DDX10: variants seen among roughly 807,000 people sequenced by gnomAD.
DDX10 encodes DEAD-box helicase 10, also known as probable ATP-dependent RNA helicase DDX10.
In DDX10, 74 loss-of-function variants were observed where a neutral mutation model predicts 104.3. That is an observed-to-expected ratio of 0.71 (90% CI 0.59 to 0.86). The LOEUF (loss-of-function observed/expected upper bound fraction) is 0.86, where lower values mean the gene tolerates loss of function less well. Among genes scored for constraint, DDX10 ranks in the 40% least tolerant of loss-of-function variants. The probability of loss-of-function intolerance (pLI) is 0.00; values close to 1 mark genes in which losing one functional copy is unlikely to be tolerated. For synonymous variants in DDX10, 351 were observed against 353.4 expected, an observed-to-expected ratio of 0.99 and a Z score of 0.08; for missense variants, 952 against 1,040.0, an observed-to-expected ratio of 0.92 and a Z score of 1.16.
At chr11:108,853,869 G>A (rs1019412808) in intron 16 of DDX10, among the ~76,000 whole-genome samples, 2 of 152,174 alleles carry the variant, frequency 1.3e-5, no homozygotes, top group African/African-American at 4.8e-5. Flanking sequence ...TAACCACTAA[G>A]CATCGGACTA....
At chr11:108,834,122 A>AT (rs544463476) in intron 13 of DDX10, among the ~76,000 whole-genome samples, 1,490 of 139,384 alleles carry the variant, frequency 0.011, 15 homozygotes, top group Non-Finnish European at 0.013. Flanking sequence ...AGCCTGGCTA[A>AT]TTTTTTTTTT....
At chr11:108,784,063 C>T (rs1252722455) in intron 13 of DDX10, among the ~76,000 whole-genome samples, 2 of 152,082 alleles carry the variant, frequency 1.3e-5, no homozygotes, top group African/African-American at 2.4e-5. Flanking sequence ...TTGAAGGGCA[C>T]CTAGGTTGAC....
intron 13 of DDX10, among the ~76,000 whole-genome samples, chr11:108,766,700 G>A (rs918662352): frequency 2.6e-5 from 4 of 152,090 alleles, no homozygotes; most frequent in East Asian, 3.8e-4. Flanking sequence ...TTAATAAGCC[G>A]GGGAAGTGCT....
chr11:108,770,318 AT>A (rs1367920443), intron 13 of DDX10, among the ~76,000 whole-genome samples: 2 of 152,202 alleles, frequency 1.3e-5, no homozygotes, highest in African/African-American at 4.8e-5. Flanking sequence ...TCTTTAAGTT[AT>A]CTAAAAATAA....
At chr11:108,697,854 C>T (rs1565250620) in intron 9 of DDX10, among the ~76,000 whole-genome samples, 1 of 151,950 alleles carries the variant, frequency 6.6e-6, no homozygotes, top group African/African-American at 2.4e-5. Context: ...CAGATATTCT[C>T]AACTTTAAAA....
rs2094290703 is a variant in DDX10 at position 108,715,909 on chromosome 11, G to GA, written c.1359dup (p.Leu454IlefsTer32). The GA allele has an allele frequency of 2.6e-6, 4 of 1,560,914 alleles. No homozygotes were observed. In the East Asian group the frequency reaches 9.0e-5, roughly 35 times the overall value. ...ATCCAGAAAAACTTATAGATGTCCA[G>GA]AAAAAATTGGAATCTATTTTAGCTC... On this transcript the variant is annotated frameshift_variant, in exon 11 of 18. Coordinates refer to ENST00000322536, the MANE Select transcript of DDX10 (RefSeq NM_004398.4). LOFTEE classifies it high-confidence loss of function.
chr11:108,757,127 C>T (rs746812957), intron 13 of DDX10, among the ~76,000 whole-genome samples: 5 of 151,980 alleles, frequency 3.3e-5, no homozygotes, highest in Non-Finnish European at 7.4e-5. Flanking sequence ...TAAAGTCTCC[C>T]TTCTCTCCCC....
intron 16 of DDX10, among the ~76,000 whole-genome samples, chr11:108,883,168 T>A (rs1863249607): frequency 6.6e-6 from 1 of 152,146 alleles, no homozygotes; most frequent in South Asian, 2.1e-4. Flanking sequence ...GGTGGCAAAC[T>A]GGCAGAACCA....
At chr11:108,897,300 G>T (rs1863454404) in intron 16 of DDX10, among the ~76,000 whole-genome samples, 1 of 152,112 alleles carries the variant, frequency 6.6e-6, no homozygotes, top group Non-Finnish European at 1.5e-5. Flanking sequence ...CTTCCCAGCT[G>T]ACTCTCCACA....
chr11:108,753,252 C>A (rs979319934), intron 13 of DDX10, among the ~76,000 whole-genome samples: 1 of 152,048 alleles, frequency 6.6e-6, no homozygotes, highest in Non-Finnish European at 1.5e-5. Flanking sequence ...GAATGCTTAT[C>A]CTTGGTTGGA....
chr11:108,846,779 A>G (rs1862723956), intron 15 of DDX10, among the ~76,000 whole-genome samples: 2 of 152,100 alleles, frequency 1.3e-5, no homozygotes, highest in African/African-American at 2.4e-5. Flanking sequence ...CAATTCCCTT[A>G]TATATAAGAG....
In DDX10 at chr11:108,679,352, T is replaced by C. The variant is rs1565243936; in HGVS notation, c.659-19T>C. 6.3e-7 allele frequency: 1 copy of C among 1,576,224 alleles called. No individual in the cohort carries two copies. Among genetic ancestry groups the C allele is most frequent in the South Asian group, 1.2e-5 (1 of 84,058 alleles). On this transcript the variant is annotated intron_variant, in intron 5 of 17. Coordinates refer to ENST00000322536, the MANE Select transcript of DDX10 (RefSeq NM_004398.4). ...TATATTTTACATATGATAGTTCAAC[T>C]TGCATTTTCCTTTTTCAGTTCTTGA... is the stretch of plus-strand genomic sequence containing the variant.
At chr11:108,697,331 G>A (rs747196471) in intron 9 of DDX10, among the ~76,000 whole-genome samples, 4 of 151,158 alleles carry the variant, frequency 2.6e-5, no homozygotes, top group Non-Finnish European at 4.4e-5. Context: ...TTGAATAAAG[G>A]CTAAATTAAA....
intron 16 of DDX10, among the ~76,000 whole-genome samples, chr11:108,902,610 A>G (rs1287126972): frequency 6.6e-6 from 1 of 152,096 alleles, no homozygotes; most frequent in African/African-American, 2.4e-5. Flanking sequence ...TTTTTCTCTC[A>G]TTGAATATTC....
At chr11:108,775,806 C>A (rs912350194) in intron 13 of DDX10, among the ~76,000 whole-genome samples, 15 of 152,150 alleles carry the variant, frequency 9.9e-5, no homozygotes, top group African/African-American at 3.6e-4. Flanking sequence ...TTAAGCAAGA[C>A]CCTGTGCCCT....
intron 10 of DDX10, among the ~76,000 whole-genome samples, chr11:108,711,401 C>T (rs1010656829): frequency 1.1e-4 from 16 of 152,174 alleles, no homozygotes; most frequent in African/African-American, 2.7e-4. Flanking sequence ...GGCACGATCT[C>T]GGCTCACTAC....
At chr11:108,757,866 C>G (rs1291930356) in intron 13 of DDX10, among the ~76,000 whole-genome samples, 1 of 151,988 alleles carries the variant, frequency 6.6e-6, no homozygotes, top group Admixed American at 6.6e-5. Flanking sequence ...GATCTCTTAA[C>G]CTTTTCCTTT....
chr11:108,737,259 T>G (rs1173078137), intron 13 of DDX10, among the ~76,000 whole-genome samples: 1 of 152,174 alleles, frequency 6.6e-6, no homozygotes, highest in Non-Finnish European at 1.5e-5. Context: ...CCAGGAGTGT[T>G]TTGCCATAGG....
chr11:108,696,337 T>G (rs1002878103), intron 9 of DDX10, among the ~76,000 whole-genome samples: 3 of 152,094 alleles, frequency 2.0e-5, no homozygotes, highest in Admixed American at 6.5e-5. Flanking sequence ...CCACCACACC[T>G]GCCTAATTTT....
Sources: gnomAD v4.1 joint callset for allele counts (sites outside exome capture counted in the v4.1 genomes callset) on GRCh38, gnomAD v4.1.1 for gene constraint, MANE v1.5 for transcripts, NCBI Gene and HGNC (gene_info 2026-07-23, HGNC 2026-07-21) for gene names.